The following TANC1 variants were observed in gnomAD, a reference collection of about 807,000 sequenced individuals.
TANC1 encodes tetratricopeptide repeat, ankyrin repeat and coiled-coil containing 1.
TANC1 carries 77 observed loss-of-function variants against 149.7 expected under a neutral mutation model. The ratio of observed to expected loss-of-function variants is 0.51; its 90% CI spans 0.43 to 0.62. The LOEUF (loss-of-function observed/expected upper bound fraction) is 0.62, where lower values mean the gene tolerates loss of function less well. TANC1 is among the 20% of genes least tolerant of loss of function. TANC1 has a pLI of 0.00. For missense variants in TANC1, 1,985 were observed against 2,321.8 expected (o/e 0.85, Z 2.98); for synonymous variants, 854 against 925.0 (o/e 0.92, Z 1.39).
intron 10 of TANC1, 148 bp downstream of exon 10, chr2:159,170,953 C>T: frequency 2.4e-6 from 2 of 842,730 alleles, no homozygotes. Flanking sequence ...TGAACTGTTT[C>T]AATATGTCCC....
rs1159231678 is a variant in TANC1, at chr2:159,001,881, G to A, written c.-16+692G>A. 6.6e-6 allele frequency among the ~76,000 whole-genome samples: 1 copy of A among 152,156 alleles called. No individual in the cohort carries two copies. Among genetic ancestry groups the A allele is most frequent in the Non-Finnish European group, 1.5e-5 (1 of 68,040 alleles). ...TCCAGAGGCTGTGGGGGAAGGGAGA[G>A]GGGGTTGTTGATGGAGGGAGGACCT... On this transcript the variant is annotated intron_variant, in intron 2 of 26. Transcript: ENST00000263635. This position sits in a 1 kb window ranked among gnomAD's most constrained non-coding sequence, Gnocchi z 4.3.
chr2:158,991,661 G>A (rs1345437994), intron 1 of TANC1, among the ~76,000 whole-genome samples: 1 of 152,076 alleles, frequency 6.6e-6, no homozygotes, highest in Non-Finnish European at 1.5e-5. Flanking sequence ...CGGGAGAATG[G>A]CGTGAACCTG....
chr2:159,054,376 G>A (rs118015555), intron 2 of TANC1, among the ~76,000 whole-genome samples: 1 of 152,296 alleles, frequency 6.6e-6, no homozygotes, highest in East Asian at 1.9e-4. Flanking sequence ...TAAATAAGGG[G>A]TGCTGGCTGC....
chr2:159,090,843 G>T (rs573886373), intron 3 of TANC1, among the ~76,000 whole-genome samples: 55 of 152,160 alleles, frequency 3.6e-4, no homozygotes, highest in Non-Finnish European at 7.4e-4. Flanking sequence ...GGAAACTAGG[G>T]TGCTTGATGA....
chr2:159,139,492 C>T (rs1258136478), intron 5 of TANC1, among the ~76,000 whole-genome samples: 1 of 151,998 alleles, frequency 6.6e-6, no homozygotes, highest in Non-Finnish European at 1.5e-5. Flanking sequence ...ACAATATCTG[C>T]GTTAAGGGAA....
At chr2:159,076,023 C>T (rs924760504) in intron 3 of TANC1, among the ~76,000 whole-genome samples, 3 of 152,178 alleles carry the variant, frequency 2.0e-5, no homozygotes, top group Non-Finnish European at 4.4e-5. Context: ...TTAAAACTTG[C>T]ACTTCATTGT....
At chr2:159,157,686 C>T (rs1031810537) in intron 7 of TANC1, among the ~76,000 whole-genome samples, 2 of 152,198 alleles carry the variant, frequency 1.3e-5, no homozygotes, top group African/African-American at 4.8e-5. Context: ...TCCTTTCATC[C>T]ACTTTTATGA....
chr2:159,181,639 A>G (rs1040277438), intron 14 of TANC1, among the ~76,000 whole-genome samples: 3 of 152,226 alleles, frequency 2.0e-5, no homozygotes, highest in African/African-American at 4.8e-5. Context: ...ACTTACAAAC[A>G]GAACAACCTG....
chr2:159,094,771 GTGT>G (rs1417352488), intron 3 of TANC1, among the ~76,000 whole-genome samples: 235 of 143,874 alleles, frequency 1.6e-3, no homozygotes, highest in African/African-American at 5.6e-3. Context: ...GCTTGTGTGT[GTGT>G]GGGGGGGGGG....
intron 2 of TANC1, among the ~76,000 whole-genome samples, chr2:159,003,219 C>T (rs902561785): frequency 3.9e-5 from 6 of 152,172 alleles, no homozygotes; most frequent in Non-Finnish European, 8.8e-5. Context: ...TTTACTGTCC[C>T]CTTTTCTGCC....
chr2:159,110,266 A>C (rs2047594478), intron 4 of TANC1, among the ~76,000 whole-genome samples: 1 of 152,200 alleles, frequency 6.6e-6, no homozygotes, highest in South Asian at 2.1e-4. Flanking sequence ...TATGTATAGG[A>C]AAAAGCATAG....
intron 2 of TANC1, among the ~76,000 whole-genome samples, chr2:159,045,678 G>A (rs1249892962): frequency 6.6e-6 from 1 of 152,124 alleles, no homozygotes; most frequent in East Asian, 1.9e-4. Context: ...TTTGTATGGG[G>A]AGTAAACTTA....
At chr2:159,068,977 G>A (rs1414507381) in intron 3 of TANC1, among the ~76,000 whole-genome samples, 2 of 152,196 alleles carry the variant, frequency 1.3e-5, no homozygotes, top group African/African-American at 4.8e-5. Context: ...CTGACCTCAA[G>A]TGATCCACTC....
intron 4 of TANC1, among the ~76,000 whole-genome samples, chr2:159,107,327 G>T (rs933812108): frequency 6.6e-6 from 1 of 152,144 alleles, no homozygotes; most frequent in Non-Finnish European, 1.5e-5. Context: ...ATGCCCAGCC[G>T]CTTACAGTGT....
chr2:158,968,970 G>T (rs1243411088), intron 1 of TANC1, among the ~76,000 whole-genome samples, 188 bp downstream of exon 1: 1 of 152,196 alleles, frequency 6.6e-6, no homozygotes, highest in Non-Finnish European at 1.5e-5. Flanking sequence ...CCGGGAATAG[G>T]CACAGACATG....
intron 4 of TANC1, among the ~76,000 whole-genome samples, chr2:159,117,545 G>A (rs964393814): frequency 3.3e-5 from 5 of 151,800 alleles, no homozygotes; most frequent in East Asian, 1.9e-4. Context: ...ACAGGTGCCC[G>A]CCACCACGCC....
intron 22 of TANC1, among the ~76,000 whole-genome samples, chr2:159,223,457 T>G (rs377345261): frequency 6.6e-6 from 1 of 152,242 alleles, no homozygotes; most frequent in African/African-American, 2.4e-5. Flanking sequence ...TGGGTTGTAG[T>G]TCTTTGTGTA....
intron 7 of TANC1, among the ~76,000 whole-genome samples, chr2:159,161,290 A>G (rs372851150): frequency 2.6e-5 from 4 of 152,242 alleles, no homozygotes; most frequent in Admixed American, 2.6e-4. Flanking sequence ...CGTGCTTTCC[A>G]ATGTAACAGC....
chr2:158,971,460 TAAA>T (rs113022937), intron 1 of TANC1, among the ~76,000 whole-genome samples: 1,853 of 152,274 alleles, frequency 0.012, 40 homozygotes, highest in African/African-American at 0.042. Flanking sequence ...AGAAGCAAAA[TAAA>T]GAAGAGTGTT....
Sources: gnomAD v4.1 joint callset for allele counts (sites outside exome capture counted in the v4.1 genomes callset) on GRCh38, gnomAD v4.1.1 for gene constraint, Gnocchi (gnomAD v3.1) non-coding constraint, MANE v1.5 for transcripts, NCBI Gene and HGNC (gene_info 2026-07-23, HGNC 2026-07-21) for gene names.